KCNMA1: variants seen among roughly 807,000 people sequenced by gnomAD.
KCNMA1 encodes the protein Calcium-activated potassium channel subunit alpha-1.
KCNMA1 carries 29 observed loss-of-function variants against 140.0 expected under a neutral mutation model. The observed-to-expected ratio is 0.21, with a 90% CI of 0.15 to 0.28. KCNMA1 has a LOEUF of 0.28. Among genes scored for constraint, KCNMA1 ranks in the 10% least tolerant of loss-of-function variants. The pLI is 1.00. For synonymous variants in KCNMA1, 612 were observed against 611.9 expected (o/e 1.00, Z 0.00); for missense variants, 880 against 1,602.2 (o/e 0.55, Z 7.70).
chr10:76,906,344 ATCT>A (rs1398649709), intron 25 of KCNMA1, among the ~76,000 whole-genome samples: 4 of 152,180 alleles, frequency 2.6e-5, no homozygotes, highest in East Asian at 1.9e-4. Flanking sequence ...CTAAGTTGTG[ATCT>A]TCTTAGAGAC....
intron 2 of KCNMA1, among the ~76,000 whole-genome samples, chr10:77,294,858 G>T (rs1158674881): frequency 2.0e-5 from 3 of 152,146 alleles, no homozygotes; most frequent in Non-Finnish European, 4.4e-5. Context: ...GGTGGAGGTT[G>T]CAGTCAGCCG....
At chr10:77,353,471 C>A (rs1347765964) in intron 2 of KCNMA1, among the ~76,000 whole-genome samples, 1 of 151,916 alleles carries the variant, frequency 6.6e-6, no homozygotes, top group Non-Finnish European at 1.5e-5. Flanking sequence ...TCTGCTATTG[C>A]CAGACAATAT....
At chr10:76,917,361 T>G (rs866514392) in intron 23 of KCNMA1, among the ~76,000 whole-genome samples, 3 of 152,104 alleles carry the variant, frequency 2.0e-5, no homozygotes, top group Non-Finnish European at 4.4e-5. Context: ...CAGGGAGAAA[T>G]GCAGGTCACA....
At chr10:77,278,504 A>G (rs914950079) in intron 2 of KCNMA1, among the ~76,000 whole-genome samples, 13 of 152,198 alleles carry the variant, frequency 8.5e-5, no homozygotes, top group Admixed American at 7.9e-4. Flanking sequence ...TATTTCGTGC[A>G]CTGGATTGAA....
In KCNMA1 at chr10:77,421,235, A is replaced by G. The variant is rs151299298; in HGVS notation, c.379-17212T>C. On this transcript the variant is annotated intron_variant, in intron 1 of 27. Coordinates refer to ENST00000286628, the MANE Select transcript of KCNMA1 (RefSeq NM_001161352.2). ...CTTTTCCTGTAACAACCTTCTTCAC[A>G]CAGTCATATTCCAGATGTCCTACTC... Among the ~76,000 whole-genome samples, 238 of 152,254 alleles carry G rather than the reference A, an allele frequency of 1.6e-3. 1 individual carries two copies. The highest frequency in any genetic ancestry group is 5.4e-3 in the African/African-American group (224 of 41,560).
At chr10:77,248,206 C>T (rs914633661) in intron 3 of KCNMA1, among the ~76,000 whole-genome samples, 3 of 152,186 alleles carry the variant, frequency 2.0e-5, no homozygotes, top group African/African-American at 7.2e-5. Context: ...TCCACTTGCA[C>T]AACTGGAGCT....
intron 2 of KCNMA1, among the ~76,000 whole-genome samples, chr10:77,392,067 C>T (rs969167899): frequency 6.7e-6 from 1 of 149,556 alleles, no homozygotes; most frequent in Non-Finnish European, 1.5e-5. Context: ...TGAAATGCCT[C>T]CAGGGGGCGC....
intron 3 of KCNMA1, among the ~76,000 whole-genome samples, chr10:77,248,969 T>C (rs1330448476): frequency 6.6e-6 from 1 of 152,174 alleles, no homozygotes; most frequent in Non-Finnish European, 1.5e-5. Flanking sequence ...AATGAAGTCA[T>C]GAAAATGAAA....
At chr10:77,409,164 G>A (rs372724283) in intron 1 of KCNMA1, among the ~76,000 whole-genome samples, 1 of 152,148 alleles carries the variant, frequency 6.6e-6, no homozygotes. Context: ...CCCTTCCTAT[G>A]TCACCTGGGG....
intron 2 of KCNMA1, among the ~76,000 whole-genome samples, chr10:77,324,940 A>ACTCTCT (rs3068755): frequency 0.01 from 979 of 93,310 alleles, 3 homozygotes; most frequent in Admixed American, 0.017. Flanking sequence ...ATAGCTCTAG[A>ACTCTCT]CTCTCTCTCT....
intron 14 of KCNMA1, chr10:77,064,084 C>T: frequency 4.1e-6 from 4 of 985,414 alleles, no homozygotes; most frequent in Non-Finnish European, 4.8e-6. Context: ...TTCTGTGCTG[C>T]CTTTCTCTTT....
rs578224382 is a variant in KCNMA1 at position 77,101,171 on chromosome 10, C to T, written c.1223+7310G>A. ...CCAAGAAAGAAGTGCCCATGTCCCA[C>T]GCCCACCAAGACCCCTCTCATCAGG... On this transcript the variant is annotated intron_variant, in intron 9 of 27. Coordinates refer to ENST00000286628, the MANE Select transcript of KCNMA1 (RefSeq NM_001161352.2). Among the ~76,000 whole-genome samples, 15 of 152,244 alleles carry T rather than the reference C, an allele frequency of 9.9e-5. No individual in the cohort carries two copies. In the South Asian group the frequency reaches 1.5e-3, roughly 15 times the overall value.
intron 2 of KCNMA1, among the ~76,000 whole-genome samples, chr10:77,402,396 C>T (rs1349227502): frequency 1.3e-5 from 2 of 152,212 alleles, no homozygotes; most frequent in East Asian, 3.9e-4. Flanking sequence ...ACTGACCTCA[C>T]CAGTTTCTCT....
chr10:77,225,824 G>C (rs916620631), intron 3 of KCNMA1, among the ~76,000 whole-genome samples: 5 of 152,212 alleles, frequency 3.3e-5, no homozygotes, highest in Non-Finnish European at 5.9e-5. Context: ...GCCGAGGTCT[G>C]TCTATAGCTC....
chr10:77,163,246 T>G (rs573557199), intron 5 of KCNMA1, among the ~76,000 whole-genome samples: 1 of 152,342 alleles, frequency 6.6e-6, no homozygotes, highest in Non-Finnish European at 1.5e-5. Context: ...GAAAATTGTA[T>G]GAAATTCAAA....
At position 77,203,180 on chromosome 10, in the gene KCNMA1, C is replaced by A. The variant is rs112977273; in HGVS notation, c.603-18264G>T. 8.6e-3 allele frequency among the ~76,000 whole-genome samples: 1,305 copies of A among 152,278 alleles called. 21 individuals are homozygous for A. The highest frequency in any genetic ancestry group is 0.03 in the African/African-American group (1,250 of 41,564). On this transcript the variant is annotated intron_variant, in intron 3 of 27. Transcript: ENST00000286628. The stretch of plus-strand genomic sequence containing the variant: ...GAACAAATGAATTTTTCAAAGCATT[C>A]CCCAAAGAACTGGGAAACTCCTGCT...
chr10:77,304,226 G>C (rs1164783689), intron 2 of KCNMA1, among the ~76,000 whole-genome samples: 1 of 152,218 alleles, frequency 6.6e-6, no homozygotes, highest in South Asian at 2.1e-4. Context: ...CTCTACTAGG[G>C]AGGCCCCTGA....
chr10:77,110,785 A>C (rs892806010), intron 7 of KCNMA1, among the ~76,000 whole-genome samples: 6 of 152,270 alleles, frequency 3.9e-5, no homozygotes, highest in Middle Eastern at 3.4e-3. Context: ...CAGAAATTCT[A>C]AACACTTCCG....
chr10:77,633,130 TG>T (rs1480692843), intron 1 of KCNMA1, among the ~76,000 whole-genome samples: 1 of 152,106 alleles, frequency 6.6e-6, no homozygotes, highest in East Asian at 1.9e-4. Flanking sequence ...TCCTGGCCAA[TG>T]TGGTGAAACC....
Sources: gnomAD v4.1 joint callset for allele counts (sites outside exome capture counted in the v4.1 genomes callset) on GRCh38, gnomAD v4.1.1 for gene constraint, MANE v1.5 for transcripts, NCBI Gene and HGNC (gene_info 2026-07-23, HGNC 2026-07-21) for gene names.